Variants in ARHGAP42 observed in about 807,000 individuals in gnomAD.
ARHGAP42 encodes Rho GTPase activating protein 42.
A neutral mutation model predicts 125.0 loss-of-function variants in ARHGAP42; 63 were observed. The ratio of observed to expected loss-of-function variants is 0.50; its 90% CI spans 0.41 to 0.62. The LOEUF is 0.62. Ranked by LOEUF, ARHGAP42 falls within the 20% of genes least tolerant of loss-of-function variation. ARHGAP42 has a pLI of 0.00. For synonymous variants in ARHGAP42, 339 were observed against 351.0 expected (o/e 0.97, Z 0.38); for missense variants, 766 against 1,024.2 (o/e 0.75, Z 3.44).
At chr11:100,930,851 A>G (rs1196672122) in intron 6 of ARHGAP42, among the ~76,000 whole-genome samples, 8 of 152,210 alleles carry the variant, frequency 5.3e-5, no homozygotes, top group Non-Finnish European at 1.2e-4. Flanking sequence ...AGTGTCTCAC[A>G]GGTAGTTCCA....
At chr11:100,714,628 A>G (rs1451440389) in intron 1 of ARHGAP42, among the ~76,000 whole-genome samples, 1 of 152,208 alleles carries the variant, frequency 6.6e-6, no homozygotes, top group Non-Finnish European at 1.5e-5. Flanking sequence ...ATGGAGAGGT[A>G]GTAGACATCA....
intron 1 of ARHGAP42, among the ~76,000 whole-genome samples, chr11:100,743,255 G>A (rs1029207327): frequency 6.6e-6 from 1 of 152,086 alleles, no homozygotes; most frequent in Non-Finnish European, 1.5e-5. Flanking sequence ...TTGTATGGCT[G>A]GGCTGGTAAT....
At chr11:100,748,649 A>G (rs1186988539) in intron 1 of ARHGAP42, among the ~76,000 whole-genome samples, 6 of 142,146 alleles carry the variant, frequency 4.2e-5, no homozygotes, top group African/African-American at 1.2e-4. Context: ...TTATTTTTCT[A>G]CTTTCTTCTG....
chr11:100,898,917 C>A (rs1866444656), intron 4 of ARHGAP42, among the ~76,000 whole-genome samples: 1 of 152,044 alleles, frequency 6.6e-6, no homozygotes, highest in African/African-American at 2.4e-5. Context: ...TTCTCTAGTT[C>A]TTTTAATTGT....
intron 4 of ARHGAP42, among the ~76,000 whole-genome samples, chr11:100,860,611 A>G (rs1259343744): frequency 6.6e-6 from 1 of 152,054 alleles, no homozygotes; most frequent in Non-Finnish European, 1.5e-5. Flanking sequence ...CTCTCTCTGG[A>G]ATACTTCTTA....
chr11:100,894,943 C>T (rs144708650), intron 4 of ARHGAP42, among the ~76,000 whole-genome samples: 1 of 152,292 alleles, frequency 6.6e-6, no homozygotes, highest in Non-Finnish European at 1.5e-5. Context: ...CACCTGTGGC[C>T]ATCCCTGTGA....
rs141833468 is a variant in ARHGAP42, at chr11:100,890,689, A to G, written c.385-22763A>G. 7.9e-3 allele frequency among the ~76,000 whole-genome samples: 1,197 copies of G among 152,308 alleles called. 18 individuals are homozygous for G. The highest frequency in any genetic ancestry group is 0.027 in the African/African-American group (1,117 of 41,560). ...ATTATAAGGCAGATTAATGTTTTCA[A>G]AATAAAAGATTGGTTAAAATGCTGC... On this transcript the variant is annotated intron_variant, in intron 4 of 23. Coordinates refer to ENST00000298815, the MANE Select transcript of ARHGAP42 (RefSeq NM_152432.4).
chr11:100,984,052 G>C (rs1175997536), intron 22 of ARHGAP42, among the ~76,000 whole-genome samples: 1 of 151,324 alleles, frequency 6.6e-6, no homozygotes, highest in African/African-American at 2.4e-5. Context: ...CGGAAGTCGA[G>C]ACTGCAGTGA....
chr11:100,757,229 C>A (rs1419789732), intron 1 of ARHGAP42, among the ~76,000 whole-genome samples: 2 of 152,074 alleles, frequency 1.3e-5, no homozygotes, highest in African/African-American at 4.8e-5. Context: ...GAATTATAGG[C>A]TTAAAAGGAA....
At chr11:100,729,183 A>C (rs74860339) in intron 1 of ARHGAP42, among the ~76,000 whole-genome samples, 19,883 of 152,052 alleles carry the variant, frequency 0.13, 1,410 homozygotes, top group East Asian at 0.26. Flanking sequence ...CAAAATATAC[A>C]GATATGTATT....
chr11:100,883,380 G>A (rs917469708), intron 4 of ARHGAP42, among the ~76,000 whole-genome samples: 1 of 152,108 alleles, frequency 6.6e-6, no homozygotes, highest in Admixed American at 6.6e-5. Context: ...TGCTCTTGTT[G>A]CCCAGGCTGG....
chr11:100,914,969 ATTTC>A (rs1396203206), intron 5 of ARHGAP42, among the ~76,000 whole-genome samples: 2 of 152,108 alleles, frequency 1.3e-5, no homozygotes, highest in Non-Finnish European at 2.9e-5. Flanking sequence ...ACAGTATCAA[ATTTC>A]TTTATTTAAA....
chr11:100,887,233 C>T (rs1413931929), intron 4 of ARHGAP42, among the ~76,000 whole-genome samples: 1 of 152,050 alleles, frequency 6.6e-6, no homozygotes, highest in East Asian at 1.9e-4. Context: ...TACTATGGAC[C>T]CAGTACCGTG....
At chr11:100,768,955 T>C (rs1016075337) in intron 1 of ARHGAP42, among the ~76,000 whole-genome samples, 2 of 152,182 alleles carry the variant, frequency 1.3e-5, no homozygotes, top group Non-Finnish European at 2.9e-5. Context: ...ACAAACATAA[T>C]AGAGTATACT....
chr11:100,696,634 C>T (rs1026766167), intron 1 of ARHGAP42, among the ~76,000 whole-genome samples: 2 of 151,940 alleles, frequency 1.3e-5, no homozygotes, highest in Admixed American at 1.3e-4. Context: ...GGATTACAGG[C>T]GTGAACCACT....
rs1303048687 is a variant in ARHGAP42 at position 100,687,579 on chromosome 11, C to A, written c.-100C>A. 22 of 997,470 alleles carry A rather than the reference C, an allele frequency of 2.2e-5. No individual in the cohort carries two copies. Among genetic ancestry groups the A allele is most frequent in the Admixed American group, 1.4e-4 (3 of 20,774 alleles). The allele number at this position is 997,470 out of a possible 1,614,324, so 61.8% of individuals were successfully genotyped here. On this transcript the variant is annotated 5_prime_UTR_variant, in exon 1 of 24. Coordinates refer to ENST00000298815, the MANE Select transcript of ARHGAP42 (RefSeq NM_152432.4). ...TCCCCTCGCGTCCCGGCGCCTTCCC[C>A]GCGATCGCGCGACCCCAGCGCCCGC...
At chr11:100,869,831 A>G (rs1347190830) in intron 4 of ARHGAP42, among the ~76,000 whole-genome samples, 2 of 152,188 alleles carry the variant, frequency 1.3e-5, no homozygotes. Context: ...TGTAGATAAG[A>G]TTTCACTATT....
At chr11:100,779,458 A>AT (rs1240454807) in intron 2 of ARHGAP42, among the ~76,000 whole-genome samples, 92 of 94,614 alleles carry the variant, frequency 9.7e-4, no homozygotes, top group South Asian at 5.4e-3. Flanking sequence ...AAAAAAAAAA[A>AT]AAAAAAAAAA....
intron 3 of ARHGAP42, among the ~76,000 whole-genome samples, chr11:100,848,293 C>T (rs1865119142): frequency 6.6e-6 from 1 of 152,048 alleles, no homozygotes; most frequent in East Asian, 1.9e-4. Context: ...TTAAAATATT[C>T]CTTAACTATT....
Sources: allele counts gnomAD v4.1 joint callset (sites outside exome capture counted in the v4.1 genomes callset), GRCh38; gene constraint gnomAD v4.1.1; transcripts MANE v1.5; gene names NCBI Gene and HGNC (gene_info 2026-07-23, HGNC 2026-07-21).